AP3B1: variants seen among roughly 807,000 people sequenced by gnomAD.
AP3B1 encodes AP-3 complex subunit beta-1.
AP3B1 carries 61 observed loss-of-function variants against 132.5 expected under a neutral mutation model. The observed-to-expected ratio is 0.46, with a 90% CI of 0.37 to 0.57. The LOEUF (loss-of-function observed/expected upper bound fraction) is 0.57, where lower values mean the gene tolerates loss of function less well. Among genes scored for constraint, AP3B1 ranks in the 20% least tolerant of loss-of-function variants. AP3B1 has a pLI of 0.00. For synonymous variants in AP3B1, 388 were observed against 438.3 expected, an observed-to-expected ratio of 0.89 and a Z score of 1.43; for missense variants, 1,120 against 1,289.4, an observed-to-expected ratio of 0.87 and a Z score of 2.01.
In AP3B1 at chr5:78,097,368, G is replaced by A. The variant is rs1455392775; in HGVS notation, c.2470+3585C>T. Among the ~76,000 whole-genome samples, 63 of 130,934 alleles carry A rather than the reference G, an allele frequency of 4.8e-4. 2 individuals carry two copies. The highest frequency in any genetic ancestry group is 1.6e-3 in the African/African-American group (54 of 34,722). 85.9% of individuals were successfully genotyped at this position (130,934 alleles called of 152,430 possible). Reference sequence around the variant, plus strand: ...AGCCCCCTGCCCGGCCAGCCGCCCTGTCCGGGAGGGAGGTAGGGGGTCAGC... The same window carrying A: ...AGCCCCCTGCCCGGCCAGCCGCCCTATCCGGGAGGGAGGTAGGGGGTCAGC... On this transcript the variant is annotated intron_variant, in intron 21 of 26. Transcript: ENST00000255194.
intron 14 of AP3B1, among the ~76,000 whole-genome samples, chr5:78,150,914 TA>T (rs1160523810): frequency 1.3e-5 from 2 of 152,128 alleles, no homozygotes. Flanking sequence ...TTTTATTTTT[TA>T]TTTTTATTTA....
intron 7 of AP3B1, among the ~76,000 whole-genome samples, chr5:78,197,936 C>G (rs921597721): frequency 1.3e-5 from 2 of 152,058 alleles, no homozygotes; most frequent in Non-Finnish European, 2.9e-5. Context: ...TGAGAACCAC[C>G]CCATGTGGTA....
At chr5:78,165,037 T>C (rs1026461224) in intron 12 of AP3B1, among the ~76,000 whole-genome samples, 5 of 152,160 alleles carry the variant, frequency 3.3e-5, no homozygotes, top group African/African-American at 1.2e-4. Flanking sequence ...CTTTCCATCA[T>C]AAAGGGTATC....
At chr5:78,209,029 T>C (rs992892523) in intron 7 of AP3B1, among the ~76,000 whole-genome samples, 1 of 151,988 alleles carries the variant, frequency 6.6e-6, no homozygotes, top group Non-Finnish European at 1.5e-5. Flanking sequence ...CAATACATAA[T>C]GCCTAAAATT....
At chr5:78,242,100 A>G (rs1004327954) in intron 2 of AP3B1, among the ~76,000 whole-genome samples, 2 of 152,200 alleles carry the variant, frequency 1.3e-5, no homozygotes, top group Non-Finnish European at 2.9e-5. Flanking sequence ...TGCACATGTC[A>G]GCCCCCGTAA....
intron 19 of AP3B1, among the ~76,000 whole-genome samples, chr5:78,113,242 T>C (rs1280764011): frequency 6.6e-6 from 1 of 152,262 alleles, no homozygotes; most frequent in East Asian, 1.9e-4. Context: ...AAAATTTTAA[T>C]GACACTTTAA....
At position 78,066,039 on chromosome 5, in the gene AP3B1, G is replaced by T. The variant is rs149549903; in HGVS notation, c.2577+23354C>A. Among the ~76,000 whole-genome samples, 716 of 152,320 alleles carry T rather than the reference G, an allele frequency of 4.7e-3. 4 individuals are homozygous for T. The highest frequency in any genetic ancestry group is 0.016 in the African/African-American group (667 of 41,558). On this transcript the variant is annotated intron_variant, in intron 22 of 26. Coordinates refer to ENST00000255194, the MANE Select transcript of AP3B1 (RefSeq NM_003664.5). ...TATAGGAGGGAGCAAGGACAATAGG[G>T]TCTGGAGTGGGCCCCAGCAAACTGC...
chr5:78,216,255 AG>A lies in AP3B1; in HGVS notation c.604-19del. On this transcript the variant is annotated intron_variant, in intron 6 of 26. Coordinates refer to ENST00000255194, the MANE Select transcript of AP3B1 (RefSeq NM_003664.5). ...GCTACCAACTAGAAAAGAAAGAAAT[AG>A]TAACTTATTAAAAAATGTTTCTCCC... is the stretch of plus-strand genomic sequence containing the variant. 1 of 1,610,614 alleles carries A rather than the reference AG, an allele frequency of 6.2e-7. No homozygotes were observed. Among genetic ancestry groups the A allele is most frequent in the Non-Finnish European group, 8.5e-7 (1 of 1,178,048 alleles).
At chr5:78,118,379 G>A (rs1751961951) in intron 17 of AP3B1, among the ~76,000 whole-genome samples, 1 of 152,220 alleles carries the variant, frequency 6.6e-6, no homozygotes, top group African/African-American at 2.4e-5. Flanking sequence ...ATGAGGCATT[G>A]CCTCACTCAG....
intron 21 of AP3B1, among the ~76,000 whole-genome samples, chr5:78,096,474 C>T (rs531413769): frequency 2.0e-5 from 3 of 150,990 alleles, no homozygotes; most frequent in East Asian, 3.9e-4. Context: ...GGCCGCCCAT[C>T]GTCTGGGATG....
intron 1 of AP3B1, among the ~76,000 whole-genome samples, chr5:78,268,933 G>A (rs1408085539): frequency 6.6e-6 from 1 of 152,128 alleles, no homozygotes; most frequent in African/African-American, 2.4e-5. Context: ...TTAAAATTCT[G>A]ATATAAATTA....
intron 17 of AP3B1, among the ~76,000 whole-genome samples, chr5:78,118,600 C>T (rs913340665): frequency 6.6e-6 from 1 of 152,198 alleles, no homozygotes; most frequent in Non-Finnish European, 1.5e-5. Flanking sequence ...TGAGACCAAA[C>T]TGCAAGGCGG....
At chr5:78,135,368 T>A (rs1752869343) in intron 15 of AP3B1, among the ~76,000 whole-genome samples, 1 of 152,176 alleles carries the variant, frequency 6.6e-6, no homozygotes, top group Non-Finnish European at 1.5e-5. Flanking sequence ...TATGTAAAAT[T>A]TGAAAACTCA....
intron 24 of AP3B1, among the ~76,000 whole-genome samples, chr5:78,033,809 A>G (rs1747681292): frequency 1.3e-5 from 2 of 151,970 alleles, no homozygotes; most frequent in African/African-American, 4.8e-5. Context: ...AACAGCATTC[A>G]GCTATGAAAC....
chr5:78,258,159 T>A (rs1024630500), intron 2 of AP3B1, among the ~76,000 whole-genome samples: 1 of 151,914 alleles, frequency 6.6e-6, no homozygotes, highest in Admixed American at 6.6e-5. Context: ...AACAGACAAA[T>A]CGGATCACAT....
chr5:78,136,621 C>A (rs1752921355), intron 15 of AP3B1, among the ~76,000 whole-genome samples: 1 of 152,146 alleles, frequency 6.6e-6, no homozygotes, highest in Admixed American at 6.5e-5. Flanking sequence ...TATAGCCTTT[C>A]TTCCATAAGC....
At chr5:78,279,855 A>G (rs1007789846) in intron 1 of AP3B1, among the ~76,000 whole-genome samples, 2 of 146,750 alleles carry the variant, frequency 1.4e-5, no homozygotes, top group South Asian at 4.2e-4. Context: ...ACTTAAATAT[A>G]TATAGGACTT....
intron 21 of AP3B1, among the ~76,000 whole-genome samples, chr5:78,091,696 G>T (rs929112176): frequency 2.6e-5 from 4 of 152,118 alleles, no homozygotes; most frequent in Non-Finnish European, 5.9e-5. Context: ...TGAGAGGTAG[G>T]AAATTGAAAA....
intron 1 of AP3B1, among the ~76,000 whole-genome samples, chr5:78,291,031 T>C (rs1749490885): frequency 1.3e-5 from 2 of 152,190 alleles, no homozygotes; most frequent in Non-Finnish European, 2.9e-5. Context: ...AATAATCTAA[T>C]ACACAGGCCT....
Sources: allele counts gnomAD v4.1 joint callset (sites outside exome capture counted in the v4.1 genomes callset), GRCh38; gene constraint gnomAD v4.1.1; transcripts MANE v1.5; gene names NCBI Gene and HGNC (gene_info 2026-07-23, HGNC 2026-07-21).